The following THSD7A variants were observed in gnomAD, a reference collection of about 807,000 sequenced individuals.
The protein encoded by THSD7A is thrombospondin type 1 domain containing 7A.
Under a neutral mutation model 231.3 loss-of-function variants are expected in THSD7A, and 96 were observed. That is an observed-to-expected ratio of 0.41 (90% CI 0.35 to 0.49). THSD7A has a LOEUF of 0.49. Ranked by LOEUF, THSD7A falls within the 20% of genes least tolerant of loss-of-function variation. The pLI is 0.05. For missense variants in THSD7A, 2,290 were observed against 2,070.2 expected, an observed-to-expected ratio of 1.11 and a Z score of -2.06; for synonymous variants, 940 against 743.3, an observed-to-expected ratio of 1.26 and a Z score of -4.30.
chr7:11,512,513 G>A (rs1321145487), intron 6 of THSD7A, among the ~76,000 whole-genome samples: 1 of 151,942 alleles, frequency 6.6e-6, no homozygotes, highest in African/African-American at 2.4e-5. Context: ...CTATTCACAA[G>A]AGCAGACTTG....
intron 1 of THSD7A, among the ~76,000 whole-genome samples, chr7:11,677,351 T>C (rs1018016357): frequency 2.6e-5 from 4 of 151,784 alleles, no homozygotes; most frequent in African/African-American, 9.7e-5. Context: ...ATGAAGAAAC[T>C]GCATCAACTA....
intron 6 of THSD7A, among the ~76,000 whole-genome samples, chr7:11,539,711 T>C (rs1292341083): frequency 6.6e-6 from 1 of 152,192 alleles, no homozygotes; most frequent in Non-Finnish European, 1.5e-5. Flanking sequence ...TTAGTCTATA[T>C]AAAATATATT....
At chr7:11,459,981 A>C (rs1785444534) in intron 11 of THSD7A, among the ~76,000 whole-genome samples, 1 of 152,106 alleles carries the variant, frequency 6.6e-6, no homozygotes, top group Non-Finnish European at 1.5e-5. Flanking sequence ...CTCTTTAAAG[A>C]CTGAATTTGC....
rs1338496630 is a variant in THSD7A, at chr7:11,492,185, A to G, written c.1823-10203T>C. ...TCTATTTGCAACCAGAAAAGGTGCA[A>G]AAGACCCCATGGACTGGAAGAGGAT... On this transcript the variant is annotated intron_variant, in intron 6 of 27. Transcript: ENST00000423059. Among the ~76,000 whole-genome samples, 5 of 151,936 alleles carry G rather than the reference A, an allele frequency of 3.3e-5. No homozygotes were observed. The South Asian group carries it at 1.0e-3, about 31-fold the overall frequency.
intron 1 of THSD7A, among the ~76,000 whole-genome samples, chr7:11,721,759 T>C (rs1291025328): frequency 6.6e-6 from 1 of 151,884 alleles, no homozygotes; most frequent in Non-Finnish European, 1.5e-5. Context: ...GAAAACTGAT[T>C]TTTACATTTG....
At chr7:11,584,079 T>A (rs1051102902) in intron 4 of THSD7A, among the ~76,000 whole-genome samples, 3 of 152,184 alleles carry the variant, frequency 2.0e-5, no homozygotes, top group Non-Finnish European at 4.4e-5. Context: ...AGTTTCTGTG[T>A]CATGCTCCTT....
intron 1 of THSD7A, among the ~76,000 whole-genome samples, chr7:11,688,251 G>A (rs1265106137): frequency 1.3e-5 from 2 of 151,672 alleles, no homozygotes; most frequent in Non-Finnish European, 2.9e-5. Context: ...ATTTTTTATG[G>A]CTGCATAGTA....
intron 4 of THSD7A, among the ~76,000 whole-genome samples, chr7:11,582,144 G>T (rs191339050): frequency 1.3e-4 from 20 of 151,554 alleles, no homozygotes; most frequent in Non-Finnish European, 2.1e-4. Flanking sequence ...TTCTTATTTA[G>T]TACTTCTATT....
chr7:11,645,738 AGT>A (rs561702445), intron 1 of THSD7A, among the ~76,000 whole-genome samples: 36 of 151,940 alleles, frequency 2.4e-4, no homozygotes, highest in African/African-American at 8.7e-4. Context: ...TATATAGTAC[AGT>A]GTGTTTTCAC....
At chr7:11,809,193 TAAAC>T (rs1269808570) in intron 1 of THSD7A, among the ~76,000 whole-genome samples, 1 of 152,148 alleles carries the variant, frequency 6.6e-6, no homozygotes, top group African/African-American at 2.4e-5. Flanking sequence ...GAGAGATACT[TAAAC>T]AATAAAGTAC....
intron 1 of THSD7A, among the ~76,000 whole-genome samples, chr7:11,679,621 A>G (rs545401017): frequency 2.6e-5 from 4 of 152,156 alleles, no homozygotes; most frequent in Admixed American, 6.6e-5. Context: ...TAAAATACCT[A>G]GGAATACAAC....
intron 23 of THSD7A, among the ~76,000 whole-genome samples, chr7:11,394,430 C>G (rs1284872715): frequency 6.6e-6 from 1 of 152,056 alleles, no homozygotes; most frequent in East Asian, 1.9e-4. Context: ...GTGGGAGAAA[C>G]TATAGGGAAA....
chr7:11,472,496 A>G (rs1785977442), intron 8 of THSD7A, among the ~76,000 whole-genome samples: 1 of 152,172 alleles, frequency 6.6e-6, no homozygotes, highest in Non-Finnish European at 1.5e-5. Flanking sequence ...TTGAATTCAC[A>G]GTATTTGCTT....
intron 1 of THSD7A, among the ~76,000 whole-genome samples, chr7:11,732,355 A>T (rs951462916): frequency 2.6e-5 from 4 of 151,854 alleles, no homozygotes; most frequent in Admixed American, 2.0e-4. Context: ...CAATGATGAA[A>T]ACCAAGTTCA....
At chr7:11,747,490 A>C (rs1405314) in intron 1 of THSD7A, among the ~76,000 whole-genome samples, 51,318 of 151,896 alleles carry the variant, frequency 0.34, 10,213 homozygotes, top group Admixed American at 0.44. Flanking sequence ...ATTGGAATGT[A>C]ATTTAGTTTT....
intron 1 of THSD7A, among the ~76,000 whole-genome samples, chr7:11,810,296 A>G (rs1314512178): frequency 1.3e-5 from 2 of 152,096 alleles, no homozygotes; most frequent in Admixed American, 1.3e-4. Context: ...TTCATCTCTC[A>G]CCTCTCAGAG....
intron 1 of THSD7A, among the ~76,000 whole-genome samples, chr7:11,828,227 A>G (rs1785086810): frequency 6.6e-6 from 1 of 152,176 alleles, no homozygotes. Flanking sequence ...TCTGGTCCTA[A>G]CTCACTGGAT....
At chr7:11,749,694 T>G (rs975052094) in intron 1 of THSD7A, among the ~76,000 whole-genome samples, 4 of 151,984 alleles carry the variant, frequency 2.6e-5, no homozygotes, top group Non-Finnish European at 5.9e-5. Context: ...ATGCTTTCAC[T>G]CTCTTCCAAG....
chr7:11,514,329 C>T (rs1465585267), intron 6 of THSD7A, among the ~76,000 whole-genome samples: 1 of 152,034 alleles, frequency 6.6e-6, no homozygotes, highest in African/African-American at 2.4e-5. Context: ...CCTGTTATAC[C>T]CTCTACATCT....
Sources: allele counts gnomAD v4.1 joint callset (sites outside exome capture counted in the v4.1 genomes callset), GRCh38; gene constraint gnomAD v4.1.1; transcripts MANE v1.5; gene names NCBI Gene and HGNC (gene_info 2026-07-23, HGNC 2026-07-21).